CDIN1: variants seen among roughly 807,000 people sequenced by gnomAD.
CDIN1 encodes the protein CDAN1-interacting nuclease 1.
Under a neutral mutation model 45.3 loss-of-function variants are expected in CDIN1, and 33 were observed. The observed-to-expected ratio is 0.73, with a 90% confidence interval of 0.55 to 0.97. The LOEUF (loss-of-function observed/expected upper bound fraction) is 0.97, where lower values mean the gene tolerates loss of function less well. Ranked by LOEUF, CDIN1 falls within the 50% of genes least tolerant of loss-of-function variation. The pLI is 0.00. For missense variants in CDIN1, 303 were observed against 339.4 expected, an observed-to-expected ratio of 0.89 and a Z score of 0.84; for synonymous variants, 118 against 124.4, an observed-to-expected ratio of 0.95 and a Z score of 0.34.
chr15:36,701,813 A>G (rs1438191438), intron 8 of CDIN1, among the ~76,000 whole-genome samples: 1 of 152,156 alleles, frequency 6.6e-6, no homozygotes, highest in Non-Finnish European at 1.5e-5. Context: ...CTTGTGTAGC[A>G]TTTGTGTATT....
intron 10 of CDIN1, among the ~76,000 whole-genome samples, chr15:36,795,057 C>T (rs1322849237): frequency 4.6e-5 from 7 of 151,962 alleles, no homozygotes; most frequent in African/African-American, 1.5e-4. Flanking sequence ...CACATGTTTT[C>T]GTTCATATAT....
chr15:36,721,753 A>G (rs2043425010), intron 10 of CDIN1, among the ~76,000 whole-genome samples: 1 of 151,610 alleles, frequency 6.6e-6, no homozygotes, highest in African/African-American at 2.4e-5. Context: ...AGGGAGACCT[A>G]TTTAAGTTCC....
intron 8 of CDIN1, among the ~76,000 whole-genome samples, chr15:36,702,278 C>T (rs1220891607): frequency 6.6e-6 from 1 of 152,064 alleles, no homozygotes; most frequent in Non-Finnish European, 1.5e-5. Flanking sequence ...CTCTGTTCTC[C>T]CCTTTCTGAA....
At chr15:36,650,093 C>T (rs1052733806) in intron 3 of CDIN1, among the ~76,000 whole-genome samples, 3 of 152,170 alleles carry the variant, frequency 2.0e-5, no homozygotes, top group African/African-American at 7.2e-5. Flanking sequence ...TCTAACGCTG[C>T]TAAAGCTGGC....
chr15:36,670,782 T>C (rs543742753), intron 5 of CDIN1, among the ~76,000 whole-genome samples: 16 of 152,268 alleles, frequency 1.1e-4, no homozygotes, highest in Non-Finnish European at 2.2e-4. Context: ...GTTTTCAGAC[T>C]GTGAACATTG....
intron 1 of CDIN1, among the ~76,000 whole-genome samples, chr15:36,603,251 C>G (rs996885508): frequency 6.6e-6 from 1 of 152,164 alleles, no homozygotes; most frequent in Non-Finnish European, 1.5e-5. Context: ...AAGCTAAAGA[C>G]ACATTCCCTT....
chr15:36,648,029 C>CG (rs2040411646), intron 3 of CDIN1, among the ~76,000 whole-genome samples: 1 of 151,934 alleles, frequency 6.6e-6, no homozygotes. Flanking sequence ...TTAGTAGAGA[C>CG]GGGGTTTCAC....
At chr15:36,620,908 C>T (rs1424774285) in intron 1 of CDIN1, among the ~76,000 whole-genome samples, 1 of 152,064 alleles carries the variant, frequency 6.6e-6, no homozygotes, top group Non-Finnish European at 1.5e-5. Flanking sequence ...GAAACAGAAC[C>T]AGCAAGTCAT....
chr15:36,636,422 G>A (rs549422231), intron 1 of CDIN1, among the ~76,000 whole-genome samples: 1 of 152,232 alleles, frequency 6.6e-6, no homozygotes, highest in African/African-American at 2.4e-5. Flanking sequence ...TGTGGTGGCA[G>A]GCGCCTGTAG....
At chr15:36,582,341 T>C (rs2037085746) in intron 1 of CDIN1, among the ~76,000 whole-genome samples, 1 of 152,232 alleles carries the variant, frequency 6.6e-6, no homozygotes, top group Admixed American at 6.5e-5. Flanking sequence ...TTGTATTTAC[T>C]CTAGTCATAC....
intron 10 of CDIN1, among the ~76,000 whole-genome samples, chr15:36,763,853 T>C (rs2053840777): frequency 6.6e-6 from 1 of 152,180 alleles, no homozygotes; most frequent in Non-Finnish European, 1.5e-5. Context: ...CTGTGGCTTC[T>C]AGGAGGCAAA....
chr15:36,629,689 C>T (rs2039600679), intron 1 of CDIN1, among the ~76,000 whole-genome samples: 1 of 152,160 alleles, frequency 6.6e-6, no homozygotes, highest in Non-Finnish European at 1.5e-5. Context: ...CCAGTCACTT[C>T]TGTTTTCCTC....
At chr15:36,724,152 T>C (rs2043536855) in intron 10 of CDIN1, among the ~76,000 whole-genome samples, 1 of 151,992 alleles carries the variant, frequency 6.6e-6, no homozygotes, top group Non-Finnish European at 1.5e-5. Context: ...AATAGAAGAG[T>C]GACGTGATTA....
At chr15:36,798,025 CAAAAAAAAAAA>C (rs11307856) in intron 10 of CDIN1, among the ~76,000 whole-genome samples, 1 of 93,590 alleles carries the variant, frequency 1.1e-5, no homozygotes, top group Non-Finnish European at 2.0e-5. Context: ...GAGTTATTAG[CAAAAAAAAAAA>C]AAAAAAAAAA....
intron 10 of CDIN1, chr15:36,790,318 T>A (rs2054612514): frequency 6.6e-6 from 1 of 152,236 alleles, no homozygotes; most frequent in Non-Finnish European, 1.5e-5. Context: ...TTGTTACTGT[T>A]CAGAAGTCTG....
At chr15:36,656,703 TCAGCTCTGATGTG>T (rs2040796967) in intron 4 of CDIN1, among the ~76,000 whole-genome samples, 1 of 152,160 alleles carries the variant, frequency 6.6e-6, no homozygotes. Flanking sequence ...TTTTCATGTG[TCAGCTCTGATGTG>T]GGTTACTAGG....
intron 8 of CDIN1, among the ~76,000 whole-genome samples, chr15:36,701,438 A>G (rs1173014208): frequency 6.6e-6 from 1 of 152,144 alleles, no homozygotes; most frequent in Non-Finnish European, 1.5e-5. Context: ...GCTTTGGACA[A>G]AAAGACAGGA....
intron 10 of CDIN1, among the ~76,000 whole-genome samples, chr15:36,743,587 G>A (rs2044314284): frequency 6.6e-6 from 1 of 152,068 alleles, no homozygotes; most frequent in Non-Finnish European, 1.5e-5. Flanking sequence ...GTGTTCCAAG[G>A]TGTAAAGAGA....
chr15:36,640,634 T>G, intron 1 of CDIN1: 3 of 985,388 alleles, frequency 3.0e-6, no homozygotes, highest in Non-Finnish European at 3.6e-6. Flanking sequence ...AGGAGGAACA[T>G]AAAATACGTG....
Sources: allele counts gnomAD v4.1 joint callset (sites outside exome capture counted in the v4.1 genomes callset), GRCh38; gene constraint gnomAD v4.1.1; transcripts MANE v1.5; gene names NCBI Gene and HGNC (gene_info 2026-07-23, HGNC 2026-07-21).